Variants in TMEM65 observed in about 807,000 individuals in gnomAD.
The protein encoded by TMEM65 is transmembrane protein 65.
TMEM65 carries 22 observed loss-of-function variants against 25.4 expected under a neutral mutation model. That is an observed-to-expected ratio of 0.86 (90% CI 0.62 to 1.23). The LOEUF is 1.23. TMEM65 is among the 50% of genes most tolerant of loss of function. TMEM65 has a pLI of 0.00. For missense variants in TMEM65, 262 were observed against 308.2 expected (o/e 0.85, Z 1.12); for synonymous variants, 132 against 126.2 (o/e 1.05, Z -0.31).
intron 1 of TMEM65, among the ~76,000 whole-genome samples, chr8:124,364,148 A>G (rs1175037801): frequency 6.6e-6 from 1 of 152,230 alleles, no homozygotes; most frequent in Non-Finnish European, 1.5e-5. Flanking sequence ...ATGTCTATCA[A>G]GATTAAACCC....
intron 1 of TMEM65, among the ~76,000 whole-genome samples, chr8:124,354,079 T>C (rs894355518): frequency 2.0e-5 from 3 of 152,048 alleles, no homozygotes; most frequent in Non-Finnish European, 4.4e-5. Flanking sequence ...CTGAAATATA[T>C]TCATGAGGAA....
chr8:124,343,434 C>T (rs1407724764), intron 1 of TMEM65, among the ~76,000 whole-genome samples: 1 of 152,130 alleles, frequency 6.6e-6, no homozygotes, highest in Non-Finnish European at 1.5e-5. Context: ...TGATGACAAT[C>T]AGACCTTTCA....
rs1469245318 is a variant in TMEM65, at chr8:124,310,929, G to T, written c.*3031C>A. ...CATAAAGATAATGCTTAGCCACTAA[G>T]AAAAAGGTTATATTATATTTAATAT... On this transcript the variant is annotated 3_prime_UTR_variant, in exon 7 of 7. Coordinates refer to ENST00000297632, the MANE Select transcript of TMEM65 (RefSeq NM_194291.3). 6.6e-6 allele frequency: 1 copy of T among 151,964 alleles called. No individual in the cohort carries two copies. The highest frequency in any genetic ancestry group is 1.5e-5 in the Non-Finnish European group (1 of 67,990). The allele number at this position is 151,964 out of a possible 1,614,324, so 9.4% of individuals were successfully genotyped here. A position where few individuals can be genotyped will look rare whatever the true frequency, so the allele number is the denominator to read the frequency against.
intron 5 of TMEM65, among the ~76,000 whole-genome samples, chr8:124,320,991 C>G (rs1417183454): frequency 6.6e-6 from 1 of 152,086 alleles, no homozygotes; most frequent in African/African-American, 2.4e-5. Context: ...GCTTTAAAAT[C>G]TCTTAGATCA....
rs1489194787 is a variant in TMEM65 at position 124,312,839 on chromosome 8, A to C, written c.*1121T>G. 1 of 151,946 alleles carries C rather than the reference A, an allele frequency of 6.6e-6. No homozygotes were observed. Among genetic ancestry groups the C allele is most frequent in the Non-Finnish European group, 1.5e-5 (1 of 67,852 alleles). The allele number at this position is 151,946 out of a possible 1,614,324, so 9.4% of individuals were successfully genotyped here. ...AGACTATGTAGCAAAAAAGCAAAAT[A>C]TTAAATATCTAGTTTTCACTTCAAC... On this transcript the variant is annotated 3_prime_UTR_variant, in exon 7 of 7. Coordinates refer to ENST00000297632, the MANE Select transcript of TMEM65 (RefSeq NM_194291.3).
chr8:124,333,630 T>C (rs1814464877), intron 1 of TMEM65, among the ~76,000 whole-genome samples: 1 of 152,152 alleles, frequency 6.6e-6, no homozygotes, highest in Non-Finnish European at 1.5e-5. Flanking sequence ...TAACCTCTTA[T>C]CAGAGGAATT....
rs1222698894 is a variant in TMEM65 at position 124,307,494 on chromosome 8, T to C, written c.*6466A>G. 1 of 152,120 alleles carries C rather than the reference T, an allele frequency of 6.6e-6. No individual in the cohort carries two copies. Among genetic ancestry groups the C allele is most frequent in the Non-Finnish European group, 1.5e-5 (1 of 68,042 alleles). 9.4% of individuals were successfully genotyped at this position (152,120 alleles called of 1,614,324 possible). A position where few individuals can be genotyped will look rare whatever the true frequency, so the allele number is the denominator to read the frequency against. On this transcript the variant is annotated 3_prime_UTR_variant, in exon 7 of 7. Transcript: ENST00000297632. The stretch of plus-strand genomic sequence containing the variant: ...ATTTATGAAGCCATTACTGCATCTA[T>C]ACCAGCAAACCTTACACTTTTTGTG...
intron 1 of TMEM65, among the ~76,000 whole-genome samples, chr8:124,336,259 A>C (rs1045930260): frequency 6.6e-6 from 1 of 152,044 alleles, no homozygotes. Context: ...CACTTCCATA[A>C]TCATACTTGG....
intron 1 of TMEM65, among the ~76,000 whole-genome samples, chr8:124,366,799 C>T (rs1586476536): frequency 1.3e-5 from 2 of 152,118 alleles, no homozygotes; most frequent in South Asian, 2.1e-4. Context: ...CAACATACCC[C>T]GTAACTCTAA....
intron 1 of TMEM65, among the ~76,000 whole-genome samples, chr8:124,337,284 T>C (rs1456781775): frequency 6.6e-6 from 1 of 151,974 alleles, no homozygotes; most frequent in Admixed American, 6.5e-5. Context: ...ACTCATTTAA[T>C]GAGGACAGAA....
At position 124,311,147 on chromosome 8, in the gene TMEM65, T is replaced by A. The variant is rs534306369; in HGVS notation, c.*2813A>T. 1 of 152,332 alleles carries A rather than the reference T, an allele frequency of 6.6e-6. No homozygotes were observed. Among genetic ancestry groups the A allele is most frequent in the Non-Finnish European group, 1.5e-5 (1 of 68,020 alleles). The allele number at this position is 152,332 out of a possible 1,614,324, so 9.4% of individuals were successfully genotyped here. On this transcript the variant is annotated 3_prime_UTR_variant, in exon 7 of 7. Coordinates refer to ENST00000297632, the MANE Select transcript of TMEM65 (RefSeq NM_194291.3). ...TATCTGCTGTAAATACCCATCAGTG[T>A]GACTTATGTGAGTCTATCTAAAGCT...
chr8:124,343,603 T>C (rs1226349151), intron 1 of TMEM65, among the ~76,000 whole-genome samples: 1 of 152,038 alleles, frequency 6.6e-6, no homozygotes. Flanking sequence ...CTCTCTAGAC[T>C]CTTCAGACTG....
At chr8:124,342,773 A>T (rs1814596295) in intron 1 of TMEM65, among the ~76,000 whole-genome samples, 1 of 152,124 alleles carries the variant, frequency 6.6e-6, no homozygotes, top group Admixed American at 6.6e-5. Flanking sequence ...AAGATTGCTA[A>T]AGTGGTTTAT....
In TMEM65 at chr8:124,310,916, G is replaced by A. The variant is rs1396126827; in HGVS notation, c.*3044C>T. The A allele has an allele frequency of 1.3e-5, 2 of 151,934 alleles. No homozygotes were observed. The highest frequency in any genetic ancestry group is 4.8e-5 in the African/African-American group (2 of 41,390). The allele number at this position is 151,934 out of a possible 1,614,324, so 9.4% of individuals were successfully genotyped here. The stretch of plus-strand genomic sequence containing the variant: ...CAATAATAATATACATAAAGATAAT[G>A]CTTAGCCACTAAGAAAAAGGTTATA... On this transcript the variant is annotated 3_prime_UTR_variant, in exon 7 of 7. Coordinates refer to ENST00000297632, the MANE Select transcript of TMEM65 (RefSeq NM_194291.3).
intron 1 of TMEM65, among the ~76,000 whole-genome samples, chr8:124,349,996 C>T (rs1814685711): frequency 6.6e-6 from 1 of 152,038 alleles, no homozygotes; most frequent in African/African-American, 2.4e-5. Context: ...CTTTATTCTT[C>T]AAAATACATT....
In TMEM65 at chr8:124,313,798, T is replaced by G; in HGVS notation, c.*162A>C. 1.7e-6 allele frequency: 1 copy of G among 588,962 alleles called. No individual in the cohort carries two copies. Among genetic ancestry groups the G allele is most frequent in the Non-Finnish European group, 3.0e-6 (1 of 334,318 alleles). The allele number at this position is 588,962 out of a possible 1,614,324, so 36.5% of individuals were successfully genotyped here. A position where few individuals can be genotyped will look rare whatever the true frequency, so the allele number is the denominator to read the frequency against. ...AAACAGCTTTTTAAAAAAGATGTCC[T>G]AAGAAGATCAAGCCACAATAAGTTA... On this transcript the variant is annotated 3_prime_UTR_variant, in exon 7 of 7. Transcript: ENST00000297632.
intron 5 of TMEM65, among the ~76,000 whole-genome samples, chr8:124,320,950 A>T (rs1814296926): frequency 6.6e-6 from 1 of 152,160 alleles, no homozygotes; most frequent in African/African-American, 2.4e-5. Context: ...AACAAAAACA[A>T]TTGTTTTATG....
intron 1 of TMEM65, among the ~76,000 whole-genome samples, chr8:124,354,446 G>A (rs556119045): frequency 1.1e-4 from 16 of 152,262 alleles, no homozygotes; most frequent in Non-Finnish European, 1.5e-4. Flanking sequence ...GGACAATGTG[G>A]TACATAATCT....
intron 1 of TMEM65, among the ~76,000 whole-genome samples, chr8:124,365,494 C>G (rs1166496624): frequency 6.6e-6 from 1 of 152,166 alleles, no homozygotes; most frequent in Non-Finnish European, 1.5e-5. Context: ...AAAGCTAGGT[C>G]ATAACAAGTC....
Sources: allele counts gnomAD v4.1 joint callset (sites outside exome capture counted in the v4.1 genomes callset), GRCh38; gene constraint gnomAD v4.1.1; transcripts MANE v1.5; gene names NCBI Gene and HGNC (gene_info 2026-07-23, HGNC 2026-07-21).